The following TP63 variants were observed in gnomAD, a reference collection of about 807,000 sequenced individuals.
TP63 encodes tumor protein p63, also known as tumor protein 63.
In TP63, 17 loss-of-function variants were observed where a neutral mutation model predicts 82.8. The observed-to-expected ratio is 0.21, with a 90% CI of 0.14 to 0.31. The LOEUF (loss-of-function observed/expected upper bound fraction) is 0.31, where lower values mean the gene tolerates loss of function less well. Among genes scored for constraint, TP63 ranks in the 10% least tolerant of loss-of-function variants. The pLI is 1.00. For missense variants in TP63, 648 were observed against 895.3 expected (o/e 0.72, Z 3.52); for synonymous variants, 330 against 321.7 (o/e 1.03, Z -0.28).
At chr3:189,659,941 T>C (rs1456046585) in intron 1 of TP63, among the ~76,000 whole-genome samples, 7 of 152,058 alleles carry the variant, frequency 4.6e-5, no homozygotes, top group African/African-American at 1.7e-4. Context: ...TCCTTTAGAT[T>C]CTAGATACTA....
chr3:189,799,753 C>T (rs1241835661), intron 3 of TP63, among the ~76,000 whole-genome samples: 1 of 152,128 alleles, frequency 6.6e-6, no homozygotes, highest in Non-Finnish European at 1.5e-5. Context: ...TGCACTATAA[C>T]ATTTGTCTGA....
At chr3:189,636,126 A>T (rs1400724783) in intron 1 of TP63, among the ~76,000 whole-genome samples, 2 of 152,122 alleles carry the variant, frequency 1.3e-5, no homozygotes, top group Non-Finnish European at 2.9e-5. Flanking sequence ...TCAAAAAAAA[A>T]TTTTTCAGTC....
At chr3:189,621,993 A>C in the TP63 span, among the ~76,000 whole-genome samples, 1 of 152,206 alleles carries the variant, frequency 6.6e-6, no homozygotes, top group Non-Finnish European at 1.5e-5. Flanking sequence ...TGTTGCTGTA[A>C]ACAAGACCTA....
At chr3:189,836,271 A>G (rs369318104) in intron 4 of TP63, among the ~76,000 whole-genome samples, 4 of 152,164 alleles carry the variant, frequency 2.6e-5, no homozygotes, top group African/African-American at 4.8e-5. Context: ...TCTTATTTCA[A>G]CTGGCAAACA....
At chr3:189,598,605 A>G in the TP63 span, among the ~76,000 whole-genome samples, 11 of 152,248 alleles carry the variant, frequency 7.2e-5, no homozygotes, top group Non-Finnish European at 1.3e-4. Context: ...GAAACCATAC[A>G]TAGCACCTTT....
At chr3:189,705,185 T>G (rs899555055) in intron 1 of TP63, among the ~76,000 whole-genome samples, 2 of 152,204 alleles carry the variant, frequency 1.3e-5, no homozygotes, top group African/African-American at 4.8e-5. Flanking sequence ...ACTCAAGAGC[T>G]TAGATGTTTT....
intron 1 of TP63, among the ~76,000 whole-genome samples, chr3:189,673,501 ATAACT>A (rs1357505995): frequency 1.3e-5 from 2 of 151,744 alleles, no homozygotes; most frequent in African/African-American, 2.4e-5. Context: ...ATCAGATAAG[ATAACT>A]TAGCAAAGTC....
At chr3:189,738,879 C>T in intron 3 of TP63, 105 bp downstream of exon 3, 2 of 1,513,960 alleles carry the variant, frequency 1.3e-6, no homozygotes, top group Non-Finnish European at 9.0e-7. Context: ...CTCTGAATGG[C>T]CAAGGCCTTT....
chr3:189,848,564 TA>T (rs1041660529), intron 4 of TP63, among the ~76,000 whole-genome samples: 1 of 152,124 alleles, frequency 6.6e-6, no homozygotes, highest in East Asian at 1.9e-4. Context: ...TGTGTTAAAC[TA>T]AAAATGCTTT....
At chr3:189,694,745 C>A (rs991914681) in intron 1 of TP63, among the ~76,000 whole-genome samples, 18 of 116,254 alleles carry the variant, frequency 1.5e-4, no homozygotes, top group Admixed American at 6.4e-4. Flanking sequence ...CTTTTTTCCT[C>A]TTTTTCCATG....
At chr3:189,866,855 G>A in intron 6 of TP63, 58 bp downstream of exon 6, 1 of 1,360,366 alleles carries the variant, frequency 7.4e-7, no homozygotes, top group Non-Finnish European at 1.1e-6. Context: ...GTAGACTTGA[G>A]AGAACATCTG....
chr3:189,725,899 A>G (rs1719741361), intron 1 of TP63, among the ~76,000 whole-genome samples: 2 of 152,174 alleles, frequency 1.3e-5, no homozygotes, highest in African/African-American at 4.8e-5. Context: ...ACTAAAAAAT[A>G]CAAAAATCAG....
chr3:189,742,834 AG>A (rs1348274337), intron 3 of TP63, among the ~76,000 whole-genome samples: 1 of 152,224 alleles, frequency 6.6e-6, no homozygotes, highest in African/African-American at 2.4e-5. Flanking sequence ...GTTTTTATAA[AG>A]CACAGAAAAA....
At chr3:189,778,013 A>C (rs1723951720) in intron 3 of TP63, among the ~76,000 whole-genome samples, 1 of 151,660 alleles carries the variant, frequency 6.6e-6, no homozygotes, top group Non-Finnish European at 1.5e-5. Flanking sequence ...GCGCCATCAC[A>C]TCTGGCTAAT....
rs568240865 is a variant in TP63 at position 189,647,293 on chromosome 3, A to G, written c.62+15716A>G. Among the ~76,000 whole-genome samples, 7 of 147,028 alleles carry G rather than the reference A, an allele frequency of 4.8e-5. 1 individual carries two copies. In the East Asian group the frequency reaches 1.2e-3, roughly 25 times the overall value. The stretch of plus-strand genomic sequence containing the variant: ...TATTTTGTCATTCTAGGCTTTTCTT[A>G]ATTAGTCATACCCTAAACCAGTAGG... On this transcript the variant is annotated intron_variant, in intron 1 of 13. Transcript: ENST00000264731.
intron 1 of TP63, among the ~76,000 whole-genome samples, chr3:189,659,601 G>C (rs1402072448): frequency 6.6e-6 from 1 of 152,020 alleles, no homozygotes; most frequent in Non-Finnish European, 1.5e-5. Flanking sequence ...TGGGTCGAAT[G>C]GTAGTTCTGT....
chr3:189,691,837 T>TA (rs1307927964), intron 1 of TP63, among the ~76,000 whole-genome samples: 1 of 152,136 alleles, frequency 6.6e-6, no homozygotes, highest in Non-Finnish European at 1.5e-5. Context: ...ATAGGCCAGT[T>TA]AAAAAAACTA....
At chr3:189,774,165 GCCCGC>G (rs1174441019) in intron 3 of TP63, among the ~76,000 whole-genome samples, 2 of 151,766 alleles carry the variant, frequency 1.3e-5, no homozygotes, top group African/African-American at 4.8e-5. Context: ...CTCGTGATCC[GCCCGC>G]CTCGGCCTCC....
At position 189,814,375 on chromosome 3, in the gene TP63, T is replaced by C. The variant is rs551304852; in HGVS notation, c.579+5849T>C. Among the ~76,000 whole-genome samples, 20 of 152,332 alleles carry C rather than the reference T, an allele frequency of 1.3e-4. No individual in the cohort carries two copies. In the South Asian group the frequency reaches 4.1e-3, roughly 32 times the overall value. On this transcript the variant is annotated intron_variant, in intron 4 of 13. Coordinates refer to ENST00000264731, the MANE Select transcript of TP63 (RefSeq NM_003722.5). ...AGTCTGAGTCTCATCTGGGGCTTGA[T>C]CTAATCTTACAATTCAGTGGCTGTT...
Sources: gnomAD v4.1 joint callset for allele counts (sites outside exome capture counted in the v4.1 genomes callset) on GRCh38, gnomAD v4.1.1 for gene constraint, MANE v1.5 for transcripts, NCBI Gene and HGNC (gene_info 2026-07-23, HGNC 2026-07-21) for gene names.